Variants in TRRAP observed in about 807,000 individuals in gnomAD.
TRRAP encodes the protein transformation/transcription domain associated protein.
In TRRAP, 41 loss-of-function variants were observed where a neutral mutation model predicts 438.8. That is an observed-to-expected ratio of 0.09 (90% CI 0.07 to 0.12). TRRAP has a LOEUF of 0.12. Among genes scored for constraint, TRRAP ranks in the 10% least tolerant of loss-of-function variants. The probability of loss-of-function intolerance (pLI) is 1.00; values close to 1 mark genes in which losing one functional copy is unlikely to be tolerated. For synonymous variants in TRRAP, 1,994 were observed against 1,962.9 expected, an observed-to-expected ratio of 1.02 and a Z score of -0.42; for missense variants, 3,122 against 5,055.1, an observed-to-expected ratio of 0.62 and a Z score of 11.60.
rs781869702 is a variant in TRRAP, at chr7:98,949,396, T to C, written c.4789-21T>C. ...GAGTTTGATTAGCTTAAAACGGCTT[T>C]TCTATTTGTTTTGCTTTCAGAGTTT... is the stretch of plus-strand genomic sequence containing the variant. On this transcript the variant is annotated intron_variant, in intron 35 of 72. Transcript: ENST00000456197. The C allele has an allele frequency of 4.7e-6, 7 of 1,502,774 alleles. No individual in the cohort carries two copies. The South Asian group carries it at 5.5e-5, about 12-fold the overall frequency. The allele number at this position is 1,502,774 out of a possible 1,614,324, so 93.1% of individuals were successfully genotyped here. A position where few individuals can be genotyped will look rare whatever the true frequency, so the allele number is the denominator to read the frequency against.
intron 3 of TRRAP, among the ~76,000 whole-genome samples, chr7:98,883,763 C>T (rs1386608728): frequency 3.3e-5 from 5 of 152,166 alleles, no homozygotes; most frequent in African/African-American, 1.2e-4. Flanking sequence ...ATCCACCCAC[C>T]TCGGCCTCCC....
At chr7:98,886,339 T>C (rs1164642212) in intron 3 of TRRAP, among the ~76,000 whole-genome samples, 1 of 151,856 alleles carries the variant, frequency 6.6e-6, no homozygotes, top group Non-Finnish European at 1.5e-5. Flanking sequence ...TAGATATAGA[T>C]AGATATAGAT....
chr7:98,940,066 A>G (rs1008691569), intron 30 of TRRAP, among the ~76,000 whole-genome samples: 2 of 151,792 alleles, frequency 1.3e-5, no homozygotes, highest in Non-Finnish European at 2.9e-5. Flanking sequence ...TATTTTTAAT[A>G]GAGACTGGGT....
rs1246353162 is a variant in TRRAP, at chr7:98,890,007, CTG to C, written c.151-327_151-326del. Among the ~76,000 whole-genome samples the C allele has an allele frequency of 1.8e-4, 27 of 152,136 alleles. 1 individual carries two copies. The highest frequency in any genetic ancestry group is 2.9e-5 in the Non-Finnish European group (2 of 68,044). ...GCTCTTTGTTTTCCAGATCAAGAAA[CTG>C]AGACCTAGAAGCTAAATAACTTCAT... On this transcript the variant is annotated intron_variant, in intron 3 of 72. Transcript: ENST00000456197.
intron 60 of TRRAP, 120 bp downstream of exon 60, chr7:98,983,579 A>G (rs1446081113): frequency 6.1e-6 from 7 of 1,145,880 alleles, no homozygotes; most frequent in East Asian, 2.6e-5. Flanking sequence ...CAGGTTTTCT[A>G]TTTTGGGGTA....
At chr7:98,997,307 A>C (rs569520549) in intron 67 of TRRAP, among the ~76,000 whole-genome samples, 1 of 152,110 alleles carries the variant, frequency 6.6e-6, no homozygotes, top group East Asian at 1.9e-4. Flanking sequence ...CTGTCTCAAA[A>C]AAGAATATGT....
chr7:98,933,295 A>C lies in TRRAP; in HGVS notation c.3907A>C (p.Asn1303His). 6.2e-7 allele frequency: 1 copy of C among 1,614,198 alleles called. No homozygotes were observed. The highest frequency in any genetic ancestry group is 8.5e-7 in the Non-Finnish European group (1 of 1,180,032). ...GCACCTGCTCCGACACCAGCCTGCC[A>C]ACGCACAGATTGGCCTGATGGAGGG... ...KKHLLRHQPA[N>H]AQIGLMEGNT... The change falls in exon 27 of 73, where the codon AAC becomes CAC. Residue 1303 changes from asparagine to histidine, a missense_variant. Asn to His is a moderately conservative substitution (Grantham distance 68). Transcript: ENST00000456197.
chr7:98,960,122 C>A (rs929220227), intron 45 of TRRAP, among the ~76,000 whole-genome samples: 2 of 152,038 alleles, frequency 1.3e-5, no homozygotes, highest in East Asian at 1.9e-4. Flanking sequence ...TTGACTGTTG[C>A]AACAACCTTT....
intron 40 of TRRAP, among the ~76,000 whole-genome samples, chr7:98,954,470 A>T (rs1232071383): frequency 1.3e-5 from 2 of 152,208 alleles, no homozygotes; most frequent in Non-Finnish European, 2.9e-5. Context: ...GGTCTCTCAC[A>T]TCCCCTCCCA....
chr7:98,951,161 T>C (rs1791321878), intron 39 of TRRAP, among the ~76,000 whole-genome samples, 157 bp downstream of exon 39: 1 of 152,132 alleles, frequency 6.6e-6, no homozygotes, highest in South Asian at 2.1e-4. Context: ...TGTTAGTTTT[T>C]AGCAGACCGT....
intron 41 of TRRAP, 33 bp downstream of exon 41, chr7:98,955,337 G>A (rs1213168779): frequency 1.5e-5 from 23 of 1,568,408 alleles, no homozygotes; most frequent in Admixed American, 5.3e-5. Context: ...TGCGGGGCGC[G>A]CGTCTTCAGG....
intron 6 of TRRAP, among the ~76,000 whole-genome samples, chr7:98,895,228 A>G (rs1209529036): frequency 6.6e-6 from 1 of 152,212 alleles, no homozygotes; most frequent in Non-Finnish European, 1.5e-5. Context: ...TAATGGGTAC[A>G]TAGTATTCTT....
intron 18 of TRRAP, among the ~76,000 whole-genome samples, chr7:98,912,718 G>GA (rs1789330673): frequency 6.6e-6 from 1 of 151,896 alleles, no homozygotes; most frequent in East Asian, 1.9e-4. Context: ...TTATTAGAAG[G>GA]AAAAAAATGT....
At position 99,012,123 on chromosome 7, in the gene TRRAP, A is replaced by G; in HGVS notation, c.11390A>G (p.Lys3797Arg). 1 of 1,614,170 alleles carries G rather than the reference A, an allele frequency of 6.2e-7. No homozygotes were observed. The highest frequency in any genetic ancestry group is 8.5e-7 in the Non-Finnish European group (1 of 1,180,016). ...VLRDEIIAWH[K>R]KTQEDTSSPL... ...CGGGACGAGATCATTGCTTGGCACAAAAAAACACAAGAGGACACGTCCTCT... is the reference window on the plus strand; with the variant it reads ...CGGGACGAGATCATTGCTTGGCACAGAAAAACACAAGAGGACACGTCCTCT... The change falls in exon 73 of 73, where the codon AAA (lysine) becomes AGA (arginine). Residue 3797 changes from lysine (K) to arginine (R), a missense_variant. By Grantham distance (26) the Lys-to-Arg change is conservative. Coordinates refer to ENST00000456197, the MANE Select transcript of TRRAP (RefSeq NM_001375524.1). The surrounding 1 kb of genome is among the most constrained non-coding windows in gnomAD (Gnocchi z 5.9).
chr7:98,983,564 T>TC (rs1355355974), intron 60 of TRRAP, 105 bp downstream of exon 60: 5 of 1,340,156 alleles, frequency 3.7e-6, no homozygotes, highest in Admixed American at 4.5e-5. Flanking sequence ...GGTTTTTTTT[T>TC]CCCCCAGGTT....
chr7:98,944,673 T>C (rs1278516194), intron 31 of TRRAP, among the ~76,000 whole-genome samples: 2 of 152,250 alleles, frequency 1.3e-5, no homozygotes, highest in Non-Finnish European at 2.9e-5. Flanking sequence ...GCTCTTGAAC[T>C]CTGACCATAT....
At position 98,959,751 on chromosome 7, in the gene TRRAP, C is replaced by T. The variant is rs527263101; in HGVS notation, c.6489+261C>T. 4.6e-5 allele frequency among the ~76,000 whole-genome samples: 7 copies of T among 151,836 alleles called. No homozygotes were observed. In the South Asian group the frequency reaches 1.3e-3, roughly 27 times the overall value. On this transcript the variant is annotated intron_variant, in intron 45 of 72. Coordinates refer to ENST00000456197, the MANE Select transcript of TRRAP (RefSeq NM_001375524.1). ...CCAGTCTGGGCAGCATAGTGAGATCCCAATTCTACAAAAGAGAAGACAGAA... is the reference window on the plus strand; with the variant it reads ...CCAGTCTGGGCAGCATAGTGAGATCTCAATTCTACAAAAGAGAAGACAGAA...
chr7:98,936,726 T>C (rs528295317), intron 28 of TRRAP, among the ~76,000 whole-genome samples: 2 of 152,236 alleles, frequency 1.3e-5, no homozygotes, highest in South Asian at 4.1e-4. Context: ...GGGGTGTCAG[T>C]GGGGTCTCTC....
In TRRAP at chr7:99,011,129, C is replaced by T; in HGVS notation, c.11016C>T (p.Thr3672=). Reference sequence around the variant, plus strand: ...TGCTCAAGGAGTGGGCGCTGCACACCTTCCCCAATGCCACGGACTACTGGA... The same window carrying T: ...TGCTCAAGGAGTGGGCGCTGCACACTTTCCCCAATGCCACGGACTACTGGA... ...RSMLKEWALH[T]FPNATDYWTF... is the part of the protein sequence containing the mutation. The change falls in exon 71 of 73, where the codon ACC becomes ACT. Residue 3672 remains threonine (T), a synonymous_variant. Transcript: ENST00000456197. The surrounding 1 kb of genome is among the most constrained non-coding windows in gnomAD (Gnocchi z 7.1). 6.2e-7 allele frequency: 1 copy of T among 1,614,162 alleles called. No individual in the cohort carries two copies. The highest frequency in any genetic ancestry group is 8.5e-7 in the Non-Finnish European group (1 of 1,180,042).
Sources: allele counts gnomAD v4.1 joint callset (sites outside exome capture counted in the v4.1 genomes callset), GRCh38; gene constraint gnomAD v4.1.1; non-coding constraint Gnocchi (gnomAD v3.1); transcripts MANE v1.5; gene names NCBI Gene and HGNC (gene_info 2026-07-23, HGNC 2026-07-21).